ZFAND3: variants seen among roughly 807,000 people sequenced by gnomAD.
ZFAND3 encodes zinc finger AN1-type containing 3.
ZFAND3 carries 10 observed loss-of-function variants against 29.6 expected under a neutral mutation model. The observed-to-expected ratio is 0.34, with a 90% CI of 0.21 to 0.57. ZFAND3 has a LOEUF of 0.57. Among genes scored for constraint, ZFAND3 ranks in the 20% least tolerant of loss-of-function variants. The pLI, the probability that ZFAND3 is intolerant of heterozygous loss-of-function variation, is 0.86. For missense variants in ZFAND3, 230 were observed against 304.5 expected (o/e 0.76, Z 1.82); for synonymous variants, 128 against 112.6 (o/e 1.14, Z -0.87).
intron 4 of ZFAND3, among the ~76,000 whole-genome samples, chr6:38,107,656 A>G (rs1420375803): frequency 1.3e-5 from 2 of 152,016 alleles, no homozygotes; most frequent in Non-Finnish European, 2.9e-5. Flanking sequence ...ACATGGCAAA[A>G]CTCTGTCTCT....
At chr6:38,132,589 A>G (rs764301877) in intron 5 of ZFAND3, among the ~76,000 whole-genome samples, 7 of 152,176 alleles carry the variant, frequency 4.6e-5, no homozygotes, top group Non-Finnish European at 1.0e-4. Flanking sequence ...CTGCCTAACA[A>G]ACTTGCGATT....
Position 38,153,080 on chromosome 6 carries a change from C to T in ZFAND3, c.*691C>T, listed in dbSNP as rs1236286575. The T allele has an allele frequency of 3.0e-6, 3 of 985,370 alleles. No individual in the cohort carries two copies. Among genetic ancestry groups the T allele is most frequent in the Admixed American group, 1.2e-4 (2 of 16,260 alleles). The allele number at this position is 985,370 out of a possible 1,614,324, so 61.0% of individuals were successfully genotyped here. A position where few individuals can be genotyped will look rare whatever the true frequency, so the allele number is the denominator to read the frequency against. On this transcript the variant is annotated 3_prime_UTR_variant, in exon 6 of 6. Coordinates refer to ENST00000287218, the MANE Select transcript of ZFAND3 (RefSeq NM_021943.3). ...GCTCCACTCAAGACTAGTCCACGAA[C>T]GAGACCCGCCTTTTCTACACAGGAT...
At chr6:38,035,943 G>GA (rs1340050809) in intron 2 of ZFAND3, among the ~76,000 whole-genome samples, 1 of 152,186 alleles carries the variant, frequency 6.6e-6, no homozygotes, top group African/African-American at 2.4e-5. Flanking sequence ...ATCTCAGTAA[G>GA]AACTGGAGAC....
chr6:37,958,589 G>T (rs957351379), intron 2 of ZFAND3, among the ~76,000 whole-genome samples: 1 of 152,004 alleles, frequency 6.6e-6, no homozygotes, highest in Admixed American at 6.6e-5. Context: ...TTTGACTTAA[G>T]ATAATGAGCA....
At chr6:37,996,225 C>T (rs1213081670) in intron 2 of ZFAND3, among the ~76,000 whole-genome samples, 1 of 152,004 alleles carries the variant, frequency 6.6e-6, no homozygotes, top group Non-Finnish European at 1.5e-5. Flanking sequence ...CAACACCAGA[C>T]AAATAATGAA....
intron 5 of ZFAND3, among the ~76,000 whole-genome samples, chr6:38,149,419 A>G (rs989228384): frequency 9.2e-5 from 14 of 151,760 alleles, no homozygotes; most frequent in Non-Finnish European, 2.1e-4. Flanking sequence ...TCAAAAAAAA[A>G]AAAAAAAAAA....
intron 2 of ZFAND3, among the ~76,000 whole-genome samples, chr6:38,056,182 G>A (rs1024639960): frequency 6.6e-6 from 1 of 152,150 alleles, no homozygotes; most frequent in Non-Finnish European, 1.5e-5. Flanking sequence ...AAATGAAAAC[G>A]TGTAACACTA....
chr6:37,898,423 A>AT (rs1347470701), intron 1 of ZFAND3, among the ~76,000 whole-genome samples: 1 of 152,124 alleles, frequency 6.6e-6, no homozygotes, highest in East Asian at 1.9e-4. Context: ...ATAGGTTTTC[A>AT]TATCTGGTAG....
intron 1 of ZFAND3, among the ~76,000 whole-genome samples, chr6:37,891,165 C>T (rs1487333196): frequency 2.6e-5 from 4 of 152,250 alleles, no homozygotes; most frequent in Middle Eastern, 3.4e-3. Context: ...TCATACAATA[C>T]GTGGTCTTTT....
intron 2 of ZFAND3, among the ~76,000 whole-genome samples, chr6:37,968,189 A>C (rs1762324653): frequency 6.6e-6 from 1 of 152,138 alleles, no homozygotes; most frequent in East Asian, 1.9e-4. Context: ...TAGAAGTCTC[A>C]TTAGAGATTT....
At chr6:37,821,297 C>G (rs1763662774) in intron 1 of ZFAND3, among the ~76,000 whole-genome samples, 1 of 152,124 alleles carries the variant, frequency 6.6e-6, no homozygotes, top group African/African-American at 2.4e-5. Flanking sequence ...ATTTTTCTGC[C>G]TTTCTCAAAA....
chr6:38,091,549 G>A (rs12191084), intron 4 of ZFAND3, among the ~76,000 whole-genome samples: 5 of 138,932 alleles, frequency 3.6e-5, no homozygotes, highest in Non-Finnish European at 7.5e-5. Flanking sequence ...CTGCTCCATA[G>A]CATGTGTGTG....
At chr6:38,046,916 A>G (rs1442612441) in intron 2 of ZFAND3, among the ~76,000 whole-genome samples, 2 of 152,178 alleles carry the variant, frequency 1.3e-5, no homozygotes, top group African/African-American at 4.8e-5. Context: ...CCTGGTAGAA[A>G]GTTCAGTTGA....
chr6:37,896,616 C>A (rs1446057440), intron 1 of ZFAND3, among the ~76,000 whole-genome samples: 1 of 124,644 alleles, frequency 8.0e-6, no homozygotes, highest in Non-Finnish European at 1.7e-5. Flanking sequence ...CTCTTTCTTT[C>A]TTTTCTTTCT....
At chr6:37,984,380 T>C (rs1762630121) in intron 2 of ZFAND3, among the ~76,000 whole-genome samples, 1 of 152,160 alleles carries the variant, frequency 6.6e-6, no homozygotes, top group Non-Finnish European at 1.5e-5. Flanking sequence ...GTTGTACATA[T>C]GAGAAGAGGG....
chr6:38,103,138 C>G (rs890382397), intron 4 of ZFAND3, among the ~76,000 whole-genome samples: 8 of 152,140 alleles, frequency 5.3e-5, no homozygotes, highest in African/African-American at 1.9e-4. Context: ...TAAGTCCTCA[C>G]TTAATGTTGT....
intron 1 of ZFAND3, among the ~76,000 whole-genome samples, chr6:37,823,809 G>A (rs1196246958): frequency 6.6e-6 from 1 of 151,612 alleles, no homozygotes; most frequent in Non-Finnish European, 1.5e-5. Flanking sequence ...TTTGGGGGGG[G>A]GTAGGAAGTT....
intron 2 of ZFAND3, among the ~76,000 whole-genome samples, chr6:37,947,489 A>C (rs1198760705): frequency 6.6e-6 from 1 of 152,152 alleles, no homozygotes; most frequent in Non-Finnish European, 1.5e-5. Flanking sequence ...ATAAAATTAG[A>C]TGATATAGAT....
At chr6:37,964,508 C>T (rs1479966012) in intron 2 of ZFAND3, among the ~76,000 whole-genome samples, 1 of 152,212 alleles carries the variant, frequency 6.6e-6, no homozygotes, top group Non-Finnish European at 1.5e-5. Flanking sequence ...GTGTCAGTGA[C>T]TGCACAGCCC....
Sources: allele counts gnomAD v4.1 joint callset (sites outside exome capture counted in the v4.1 genomes callset), GRCh38; gene constraint gnomAD v4.1.1; transcripts MANE v1.5; gene names NCBI Gene and HGNC (gene_info 2026-07-23, HGNC 2026-07-21).